The following SCLT1 variants were observed in gnomAD, a reference collection of about 807,000 sequenced individuals.
The protein encoded by SCLT1 is sodium channel-associated protein 1.
Under a neutral mutation model 112.8 loss-of-function variants are expected in SCLT1, and 78 were observed. The observed-to-expected ratio is 0.69, with a 90% CI of 0.58 to 0.83. SCLT1 has a LOEUF of 0.83. SCLT1 is among the 40% of genes least tolerant of loss of function. The pLI is 0.00. For missense variants in SCLT1, 747 were observed against 770.4 expected, an observed-to-expected ratio of 0.97 and a Z score of 0.36; for synonymous variants, 257 against 254.7, an observed-to-expected ratio of 1.01 and a Z score of -0.09.
At position 128,946,138 on chromosome 4, in the gene SCLT1, G is replaced by A; in HGVS notation, c.1308C>T (p.Gly436=). 1 of 1,604,192 alleles carries A rather than the reference G, an allele frequency of 6.2e-7. No homozygotes were observed. Among genetic ancestry groups the A allele is most frequent in the South Asian group, 1.1e-5 (1 of 90,658 alleles). Residue 436 remains glycine (G), a synonymous_variant, in exon 16 of 21, where the codon GGC becomes GGT. Coordinates refer to ENST00000281142, the MANE Select transcript of SCLT1 (RefSeq NM_144643.4). ...EEELEKIYRE[G]RGNESDYRKL... The stretch of plus-strand genomic sequence containing the variant: ...TTCTGTAATCACTCTCATTTCCTCT[G>A]CCTTCACGGTAAATCTGCAGAAAAG...
At chr4:129,055,221 T>G (rs1749246088) in intron 2 of SCLT1, among the ~76,000 whole-genome samples, 1 of 152,170 alleles carries the variant, frequency 6.6e-6, no homozygotes, top group Admixed American at 6.6e-5. Context: ...GGGAGATCTT[T>G]CCCAGTCAGG....
At chr4:129,010,931 C>T (rs1172233231) in intron 5 of SCLT1, among the ~76,000 whole-genome samples, 1 of 152,142 alleles carries the variant, frequency 6.6e-6, no homozygotes, top group Non-Finnish European at 1.5e-5. Context: ...GCCTGACTGC[C>T]CTGGCCAGGA....
intron 12 of SCLT1, among the ~76,000 whole-genome samples, chr4:128,957,508 A>C (rs1739318266): frequency 6.6e-6 from 1 of 152,142 alleles, no homozygotes. Flanking sequence ...AGTATTATTC[A>C]AATTATGTCA....
chr4:129,064,679 C>T (rs1376274838), intron 2 of SCLT1, among the ~76,000 whole-genome samples: 1 of 152,052 alleles, frequency 6.6e-6, no homozygotes, highest in Non-Finnish European at 1.5e-5. Context: ...TTTTATGTGT[C>T]TAATTTTTAG....
chr4:129,032,495 G>A (rs545439165), intron 5 of SCLT1, among the ~76,000 whole-genome samples: 8 of 151,960 alleles, frequency 5.3e-5, no homozygotes, highest in South Asian at 2.1e-4. Context: ...AAATGGGATC[G>A]AATTAAATGA....
rs1479988374 is a variant in SCLT1, at chr4:128,958,430, C to G, written c.1047+1170G>C. ...ACCCTCTAGCAATTAAGCAATGAGT[C>G]AAAGAGCAGCTTAATATTGTAACCA... On this transcript the variant is annotated intron_variant, in intron 12 of 20. Coordinates refer to ENST00000281142, the MANE Select transcript of SCLT1 (RefSeq NM_144643.4). Among the ~76,000 whole-genome samples the G allele has an allele frequency of 2.0e-5, 3 of 152,104 alleles. 1 individual carries two copies. The highest frequency in any genetic ancestry group is 7.2e-5 in the African/African-American group (3 of 41,404).
intron 2 of SCLT1, among the ~76,000 whole-genome samples, chr4:129,052,668 T>C (rs912654242): frequency 6.6e-6 from 1 of 152,130 alleles, no homozygotes; most frequent in African/African-American, 2.4e-5. Context: ...ATTGATCTTT[T>C]AGAAAAATTA....
intron 4 of SCLT1, 22 bp from the exon 5 acceptor site, chr4:129,039,118 T>C: frequency 1.9e-6 from 3 of 1,553,852 alleles, no homozygotes; most frequent in African/African-American, 1.4e-5. Flanking sequence ...AAATATGGTG[T>C]GGCAATACAT....
intron 10 of SCLT1, 82 bp downstream of exon 10, chr4:128,970,296 T>C (rs1272741391): frequency 2.1e-5 from 16 of 778,664 alleles, no homozygotes; most frequent in African/African-American, 7.0e-5. Flanking sequence ...CAACCCTCTT[T>C]AACACCTAAT....
intron 18 of SCLT1, among the ~76,000 whole-genome samples, chr4:128,922,788 T>C (rs1298000746): frequency 1.3e-5 from 2 of 152,094 alleles, no homozygotes; most frequent in African/African-American, 4.8e-5. Context: ...CCCATGAACC[T>C]AAAATAATAG....
intron 2 of SCLT1, among the ~76,000 whole-genome samples, chr4:129,050,966 A>G (rs1255734291): frequency 1.3e-5 from 2 of 152,138 alleles, no homozygotes; most frequent in East Asian, 3.9e-4. Context: ...TCCCAGCACC[A>G]TTAATTAAAT....
At chr4:128,985,179 C>T (rs907202617) in intron 9 of SCLT1, among the ~76,000 whole-genome samples, 18 of 152,154 alleles carry the variant, frequency 1.2e-4, no homozygotes, top group African/African-American at 4.3e-4. Context: ...TCCACAGAGA[C>T]AATCATTAAC....
At chr4:128,983,515 T>G (rs1289437736) in intron 9 of SCLT1, among the ~76,000 whole-genome samples, 1 of 152,142 alleles carries the variant, frequency 6.6e-6, no homozygotes, top group Non-Finnish European at 1.5e-5. Flanking sequence ...TTAGCTAGGT[T>G]TAGAAAATTA....
chr4:128,953,716 G>T (rs757133729), intron 13 of SCLT1, among the ~76,000 whole-genome samples: 3 of 150,356 alleles, frequency 2.0e-5, no homozygotes, highest in South Asian at 2.1e-4. Context: ...GGAGAATGGC[G>T]TGAACCTGGG....
At chr4:128,931,374 G>A (rs1736747767) in intron 18 of SCLT1, among the ~76,000 whole-genome samples, 2 of 152,116 alleles carry the variant, frequency 1.3e-5, no homozygotes, top group African/African-American at 4.8e-5. Context: ...TTCAGCATTC[G>A]ACTATCTTTT....
At chr4:129,046,908 G>A (rs1266112732) in intron 2 of SCLT1, among the ~76,000 whole-genome samples, 1 of 152,070 alleles carries the variant, frequency 6.6e-6, no homozygotes, top group Non-Finnish European at 1.5e-5. Context: ...GATAAATAAT[G>A]AAGTTGAACA....
chr4:128,903,061 G>A (rs1734441910), intron 18 of SCLT1, among the ~76,000 whole-genome samples: 1 of 102,874 alleles, frequency 9.7e-6, no homozygotes, highest in South Asian at 3.0e-4. Context: ...GCCTAAGGCT[G>A]TTTTACAGTT....
chr4:128,967,328 G>A (rs1395808547), intron 10 of SCLT1, among the ~76,000 whole-genome samples: 1 of 152,188 alleles, frequency 6.6e-6, no homozygotes, highest in Non-Finnish European at 1.5e-5. Context: ...ACATGGACAT[G>A]TGTCTTGATA....
intron 18 of SCLT1, among the ~76,000 whole-genome samples, chr4:128,925,418 C>T (rs1736218497): frequency 6.6e-6 from 1 of 151,884 alleles, no homozygotes; most frequent in Non-Finnish European, 1.5e-5. Flanking sequence ...TCTTGGCTCA[C>T]TGCAACCTCT....
Sources: gnomAD v4.1 joint callset for allele counts (sites outside exome capture counted in the v4.1 genomes callset) on GRCh38, gnomAD v4.1.1 for gene constraint, MANE v1.5 for transcripts, NCBI Gene and HGNC (gene_info 2026-07-23, HGNC 2026-07-21) for gene names.